Variants in SLFN12L observed in about 807,000 individuals in gnomAD.
The protein encoded by SLFN12L is schlafen family member 12 like.
Under a neutral mutation model 34.8 loss-of-function variants are expected in SLFN12L, and 34 were observed. The ratio of observed to expected loss-of-function variants is 0.98; its 90% CI spans 0.74 to 1.30. SLFN12L has a LOEUF of 1.30. Among genes scored for constraint, SLFN12L ranks in the 50% most tolerant of loss-of-function variants. SLFN12L has a pLI of 0.00. For missense variants in SLFN12L, 703 were observed against 696.2 expected, an observed-to-expected ratio of 1.01 and a Z score of -0.11; for synonymous variants, 259 against 247.5, an observed-to-expected ratio of 1.05 and a Z score of -0.44.
intron 2 of SLFN12L, among the ~76,000 whole-genome samples, chr17:35,509,859 G>A (rs2142157480): frequency 6.6e-6 from 1 of 152,028 alleles, no homozygotes; most frequent in Non-Finnish European, 1.5e-5. Flanking sequence ...CACCACGCCT[G>A]GCTAATTTTT....
chr17:35,525,346 G>A (rs1403913706), intron 1 of SLFN12L, among the ~76,000 whole-genome samples: 1 of 152,096 alleles, frequency 6.6e-6, no homozygotes, highest in Non-Finnish European at 1.5e-5. Context: ...TCAAATTTAG[G>A]AAATACAGAG....
intron 2 of SLFN12L, chr17:35,480,648 T>C (rs1456508552): frequency 1.3e-5 from 2 of 152,654 alleles, no homozygotes; most frequent in African/African-American, 4.8e-5. Context: ...GAAATCCTTT[T>C]GGAAAACTGC....
At chr17:35,516,035 T>C (rs377728359) in intron 2 of SLFN12L, among the ~76,000 whole-genome samples, 16 of 152,280 alleles carry the variant, frequency 1.1e-4, no homozygotes, top group African/African-American at 3.8e-4. Flanking sequence ...CCCCCTCTAC[T>C]AGATTTATAT....
rs191115335 is a variant in SLFN12L, at chr17:35,522,380, G to C, written c.-16C>G. 1.1e-5 allele frequency: 17 copies of C among 1,614,182 alleles called. No homozygotes were observed. In the East Asian group the frequency reaches 2.2e-4, roughly 21 times the overall value. Reference sequence around the variant, plus strand: ...TCTTCTCCATGATCTTCATGGCCATGATGGTCTTTCCTAAGCCAGGTAAGC... The same window carrying C: ...TCTTCTCCATGATCTTCATGGCCATCATGGTCTTTCCTAAGCCAGGTAAGC... On this transcript the variant is annotated 5_prime_UTR_variant, in exon 2 of 5. In the 5' UTR this introduces an upstream ATG that the reference lacks. Coordinates refer to ENST00000628453, the MANE Select transcript of SLFN12L (RefSeq NM_001363830.2).
chr17:35,466,547 G>A lies in SLFN12L; in HGVS notation c.*8376C>T, dbSNP rs1244335520. Among the ~76,000 whole-genome samples the A allele has an allele frequency of 2.0e-5, 3 of 152,152 alleles. No individual in the cohort carries two copies. The highest frequency in any genetic ancestry group is 7.2e-5 in the African/African-American group (3 of 41,434). ...GAGATGTCACTTAATCTACTCATAT[G>A]GACATAAGAGTCCAACATCTTTTCA... is the stretch of plus-strand genomic sequence containing the variant. On this transcript the variant is annotated 3_prime_UTR_variant, in exon 5 of 5. Coordinates refer to ENST00000628453, the MANE Select transcript of SLFN12L (RefSeq NM_001363830.2).
intron 2 of SLFN12L, among the ~76,000 whole-genome samples, chr17:35,516,089 G>A (rs1223113480): frequency 1.3e-5 from 2 of 152,028 alleles, no homozygotes; most frequent in Admixed American, 6.5e-5. Flanking sequence ...TAGGACCATA[G>A]AATTTGAGAG....
chr17:35,483,638 C>G (rs1914448734), intron 2 of SLFN12L, among the ~76,000 whole-genome samples: 1 of 152,174 alleles, frequency 6.6e-6, no homozygotes, highest in Non-Finnish European at 1.5e-5. Flanking sequence ...AGACAGTGTG[C>G]TTTAGTCTAT....
intron 4 of SLFN12L, among the ~76,000 whole-genome samples, chr17:35,477,774 G>A (rs1914100396): frequency 1.3e-5 from 2 of 152,084 alleles, no homozygotes; most frequent in African/African-American, 4.8e-5. Context: ...TCTGGCATTG[G>A]AAAAGATGTG....
chr17:35,474,693 G>GA lies in SLFN12L; in HGVS notation c.*229_*230insT. ...TCCTAGCACTTTGGGAGACCGGGGG[G>GA]GGGGGTTGAATCACGAGGTCAGGAG... On this transcript the variant is annotated 3_prime_UTR_variant, in exon 5 of 5. Coordinates refer to ENST00000628453, the MANE Select transcript of SLFN12L (RefSeq NM_001363830.2). 5.3e-6 allele frequency: 2 copies of GA among 374,990 alleles called. No individual in the cohort carries two copies. Among genetic ancestry groups the GA allele is most frequent in the East Asian group, 5.4e-5 (1 of 18,470 alleles). The allele number at this position is 374,990 out of a possible 1,614,324, so 23.2% of individuals were successfully genotyped here.
chr17:35,467,370 C>G lies in SLFN12L; in HGVS notation c.*7553G>C, dbSNP rs898012913. ...TTTCAGATTAAGGAACACTAAGAACCTCTTTCCTCTTAGATACCCAAAATC... is the reference window on the plus strand; with the variant it reads ...TTTCAGATTAAGGAACACTAAGAACGTCTTTCCTCTTAGATACCCAAAATC... On this transcript the variant is annotated 3_prime_UTR_variant, in exon 5 of 5. Coordinates refer to ENST00000628453, the MANE Select transcript of SLFN12L (RefSeq NM_001363830.2). Among the ~76,000 whole-genome samples the G allele has an allele frequency of 6.6e-6, 1 of 152,176 alleles. No individual in the cohort carries two copies. Among genetic ancestry groups the G allele is most frequent in the African/African-American group, 2.4e-5 (1 of 41,440 alleles).
At chr17:35,481,578 C>T (rs1429752832) in intron 2 of SLFN12L, among the ~76,000 whole-genome samples, 1 of 152,254 alleles carries the variant, frequency 6.6e-6, no homozygotes, top group Non-Finnish European at 1.5e-5. Context: ...CCCAAGTGAC[C>T]TTACCTATCA....
chr17:35,490,118 G>A, intron 2 of SLFN12L: 2 of 1,606,186 alleles, frequency 1.2e-6, no homozygotes, highest in Admixed American at 1.7e-5. Flanking sequence ...GGAGCAGACC[G>A]CCGGCAACCT....
In SLFN12L at chr17:35,478,191, G is replaced by A; in HGVS notation, c.1166-6C>T. ...AGAGGGCAGTTCCTCACATACTATG[G>A]AATAATGTTAGAAAACAAAAATCAC... On this transcript the variant is annotated splice_region_variant and splice_polypyrimidine_tract_variant and intron_variant, in intron 3 of 4. Transcript: ENST00000628453. 1.3e-6 allele frequency: 2 copies of A among 1,519,538 alleles called. No individual in the cohort carries two copies. The highest frequency in any genetic ancestry group is 1.8e-6 in the Non-Finnish European group (2 of 1,120,846). 94.1% of individuals were successfully genotyped at this position (1,519,538 alleles called of 1,614,324 possible).
At chr17:35,506,648 G>GA (rs1347059543) in intron 2 of SLFN12L, among the ~76,000 whole-genome samples, 1 of 152,128 alleles carries the variant, frequency 6.6e-6, no homozygotes, top group Non-Finnish European at 1.5e-5. Flanking sequence ...GAAATTCCAG[G>GA]AAAAACAAGA....
rs535478100 is a variant in SLFN12L, at chr17:35,466,238, A to G, written c.*8685T>C. On this transcript the variant is annotated 3_prime_UTR_variant, in exon 5 of 5. Transcript: ENST00000628453. Reference sequence around the variant, plus strand: ...TGGGTTCAGACAAATGTATAATGACATATATCTACTATATAGTATCAAACA... The same window carrying G: ...TGGGTTCAGACAAATGTATAATGACGTATATCTACTATATAGTATCAAACA... Among the ~76,000 whole-genome samples the G allele has an allele frequency of 6.6e-6, 1 of 152,322 alleles. No homozygotes were observed. The highest frequency in any genetic ancestry group is 1.5e-5 in the Non-Finnish European group (1 of 68,028).
Position 35,469,138 on chromosome 17 carries a change from C to A in SLFN12L, c.*5785G>T, listed in dbSNP as rs1432558512. On this transcript the variant is annotated 3_prime_UTR_variant, in exon 5 of 5. Transcript: ENST00000628453. Reference sequence around the variant, plus strand: ...ACTCCCCAGTGCCTACCCCTACTACCCCCTCAAGCTTTCCCCCGTGACTTC... The same window carrying A: ...ACTCCCCAGTGCCTACCCCTACTACACCCTCAAGCTTTCCCCCGTGACTTC... Among the ~76,000 whole-genome samples, 1 of 151,000 alleles carries A rather than the reference C, an allele frequency of 6.6e-6. No homozygotes were observed. Among genetic ancestry groups the A allele is most frequent in the South Asian group, 2.1e-4 (1 of 4,766 alleles).
intron 2 of SLFN12L, chr17:35,500,558 T>C (rs1915257214): frequency 2.0e-5 from 3 of 152,190 alleles, no homozygotes; most frequent in Admixed American, 2.0e-4. Context: ...TGAAACCCCG[T>C]CTGTACTAAA....
chr17:35,530,434 G>A lies in SLFN12L; in HGVS notation c.-606+7139C>T, dbSNP rs1207205125. Reference sequence around the variant, plus strand: ...GGAAGGAAGGAAGGAAGGAAGGGAAGGGAAGGGAAGAAAGAAAGAAAGAAA... The same window carrying A: ...GGAAGGAAGGAAGGAAGGAAGGGAAAGGAAGGGAAGAAAGAAAGAAAGAAA... On this transcript the variant is annotated intron_variant, in intron 1 of 4. Coordinates refer to ENST00000628453, the MANE Select transcript of SLFN12L (RefSeq NM_001363830.2). Among the ~76,000 whole-genome samples, 25 of 11,624 alleles carry A rather than the reference G, an allele frequency of 2.2e-3. 1 individual carries two copies. The highest frequency in any genetic ancestry group is 0.028 in the Middle Eastern group (1 of 36). The allele number at this position is 11,624 out of a possible 152,430, so 7.6% of individuals were successfully genotyped here. A position where few individuals can be genotyped will look rare whatever the true frequency, so the allele number is the denominator to read the frequency against.
chr17:35,491,008 T>G, intron 2 of SLFN12L: 1 of 788,820 alleles, frequency 1.3e-6, no homozygotes, highest in Non-Finnish European at 2.3e-6. Context: ...ACCTTTCTCC[T>G]CCGGCCTCCC....
Sources: gnomAD v4.1 joint callset for allele counts (sites outside exome capture counted in the v4.1 genomes callset) on GRCh38, gnomAD v4.1.1 for gene constraint, MANE v1.5 for transcripts, NCBI Gene and HGNC (gene_info 2026-07-23, HGNC 2026-07-21) for gene names.